The following BLVRA variants were observed in gnomAD, a reference collection of about 807,000 sequenced individuals.
BLVRA encodes the protein biliverdin reductase A.
BLVRA carries 22 observed loss-of-function variants against 32.8 expected under a neutral mutation model. The observed-to-expected ratio is 0.67, with a 90% CI of 0.48 to 0.96. The LOEUF is 0.96. BLVRA is among the 40% of genes least tolerant of loss of function. BLVRA has a pLI of 0.00. For missense variants in BLVRA, 323 were observed against 358.1 expected (o/e 0.90, Z 0.79); for synonymous variants, 119 against 141.3 (o/e 0.84, Z 1.12).
chr7:43,787,431 A>C lies in BLVRA; in HGVS notation c.13-473A>C, dbSNP rs532174516. Among the ~76,000 whole-genome samples the C allele has an allele frequency of 8.5e-5, 13 of 152,296 alleles. No individual in the cohort carries two copies. Among genetic ancestry groups the C allele is most frequent in the Admixed American group, 7.8e-4 (12 of 15,308 alleles). On this transcript the variant is annotated intron_variant, in intron 2 of 7. Transcript: ENST00000265523. The surrounding 1 kb of genome is among the most constrained non-coding windows in gnomAD (Gnocchi z 4.5). Reference sequence around the variant, plus strand: ...GGATCCCACGCTGAGTAAGGTGACCAATCATGGTTTGCCCATTTGCCTCCT... The same window carrying C: ...GGATCCCACGCTGAGTAAGGTGACCCATCATGGTTTGCCCATTTGCCTCCT...
chr7:43,795,403 C>G (rs1196105219), intron 5 of BLVRA, among the ~76,000 whole-genome samples: 1 of 151,954 alleles, frequency 6.6e-6, no homozygotes, highest in Non-Finnish European at 1.5e-5. Flanking sequence ...ATAGTCCCAG[C>G]TACTGGGGAG....
intron 1 of BLVRA, among the ~76,000 whole-genome samples, chr7:43,770,845 A>T (rs1226814824): frequency 6.6e-6 from 1 of 152,214 alleles, no homozygotes; most frequent in Non-Finnish European, 1.5e-5. Flanking sequence ...CCATGGAGGC[A>T]TCCCGATTGC....
chr7:43,792,527 T>C (rs555123758), intron 4 of BLVRA, among the ~76,000 whole-genome samples, 188 bp from the exon 5 acceptor site: 1 of 152,364 alleles, frequency 6.6e-6, no homozygotes, highest in Non-Finnish European at 1.5e-5. Flanking sequence ...TGTCACAGGA[T>C]AGTAGAAAAC....
At chr7:43,761,534 C>T (rs891892470) in intron 1 of BLVRA, among the ~76,000 whole-genome samples, 1 of 152,130 alleles carries the variant, frequency 6.6e-6, no homozygotes, top group Non-Finnish European at 1.5e-5. Context: ...TGGTTCTTGT[C>T]TTTTGAAAGT....
At chr7:43,796,633 A>G (rs2095793156) in intron 5 of BLVRA, among the ~76,000 whole-genome samples, 1 of 152,228 alleles carries the variant, frequency 6.6e-6, no homozygotes, top group Non-Finnish European at 1.5e-5. Flanking sequence ...GCATCAAGAT[A>G]TTGGATTTGG....
At chr7:43,766,930 G>A (rs113117871) in intron 1 of BLVRA, among the ~76,000 whole-genome samples, 3 of 152,246 alleles carry the variant, frequency 2.0e-5, no homozygotes, top group African/African-American at 7.2e-5. Context: ...CCAGGAGTTC[G>A]ACGTTGCAGT....
chr7:43,805,054 T>C (rs973807798), intron 7 of BLVRA, among the ~76,000 whole-genome samples: 1 of 152,154 alleles, frequency 6.6e-6, no homozygotes, highest in Non-Finnish European at 1.5e-5. Context: ...GGTGTGGCCA[T>C]GTGAGTGTTA....
intron 5 of BLVRA, among the ~76,000 whole-genome samples, chr7:43,799,752 G>A: frequency 6.6e-6 from 1 of 152,018 alleles, no homozygotes; most frequent in East Asian, 1.9e-4. Context: ...GGGATTATAG[G>A]CATGAGCCAC....
At chr7:43,799,229 C>T (rs1041983640) in intron 5 of BLVRA, among the ~76,000 whole-genome samples, 1 of 152,104 alleles carries the variant, frequency 6.6e-6, no homozygotes, top group African/African-American at 2.4e-5. Context: ...CAGGTCAAGC[C>T]CAGAGCATTT....
At position 43,807,067 on chromosome 7, in the gene BLVRA, G is replaced by A; in HGVS notation, c.723G>A (p.Val241=). 3 of 1,614,220 alleles carry A rather than the reference G, an allele frequency of 1.9e-6. No homozygotes were observed. The highest frequency in any genetic ancestry group is 2.5e-6 in the Non-Finnish European group (3 of 1,180,032). The change falls in exon 8 of 8, where the codon GTG becomes GTA. Residue 241 remains valine (V), a synonymous_variant. Transcript: ENST00000265523. The part of the protein sequence containing the change: ...FHFKSGSLEN[V]PNVGVNKNIF... ...TCAAGTCTGGGTCCTTGGAGAATGTGCCAAATGTAGGAGTGAATAAGAACA... is the reference window on the plus strand; with the variant it reads ...TCAAGTCTGGGTCCTTGGAGAATGTACCAAATGTAGGAGTGAATAAGAACA...
At chr7:43,794,119 G>T (rs375848520) in intron 5 of BLVRA, among the ~76,000 whole-genome samples, 1 of 151,362 alleles carries the variant, frequency 6.6e-6, no homozygotes, top group Non-Finnish European at 1.5e-5. Context: ...GGTGCATACC[G>T]GTAGTCCCAG....
At position 43,790,054 on chromosome 7, in the gene BLVRA, G is replaced by T. The variant is rs545598318; in HGVS notation, c.135-1195G>T. 7.0e-4 allele frequency among the ~76,000 whole-genome samples: 106 copies of T among 152,256 alleles called. 1 individual carries two copies. The highest frequency in any genetic ancestry group is 2.5e-3 in the African/African-American group (104 of 41,546). ...TGGGTGGCCCCATTAAAGAAACCTAGCATAATACTCTTTGGGAGCTAAATT... is the reference window on the plus strand; with the variant it reads ...TGGGTGGCCCCATTAAAGAAACCTATCATAATACTCTTTGGGAGCTAAATT... On this transcript the variant is annotated intron_variant, in intron 3 of 7. Transcript: ENST00000265523.
At chr7:43,769,326 G>A (rs943708663) in intron 1 of BLVRA, among the ~76,000 whole-genome samples, 11 of 151,986 alleles carry the variant, frequency 7.2e-5, no homozygotes, top group African/African-American at 2.2e-4. Context: ...TACCGTGCCC[G>A]GCCTTTCTGA....
intron 7 of BLVRA, among the ~76,000 whole-genome samples, chr7:43,805,314 G>C (rs1468387985): frequency 6.7e-6 from 1 of 148,906 alleles, no homozygotes; most frequent in East Asian, 2.0e-4. Flanking sequence ...ACAAAGTCTT[G>C]CTCTGTCACC....
intron 1 of BLVRA, among the ~76,000 whole-genome samples, chr7:43,769,316 T>A (rs1585712960): frequency 1.3e-5 from 2 of 152,046 alleles, no homozygotes; most frequent in Admixed American, 1.3e-4. Context: ...AGGTGTGAGC[T>A]ACCGTGCCCG....
At chr7:43,790,476 T>C (rs1585733224) in intron 3 of BLVRA, among the ~76,000 whole-genome samples, 1 of 151,352 alleles carries the variant, frequency 6.6e-6, no homozygotes, top group Non-Finnish European at 1.5e-5. Flanking sequence ...CACACAAACA[T>C]GTGTGCGTAC....
At chr7:43,765,458 G>A (rs2095746763) in intron 1 of BLVRA, among the ~76,000 whole-genome samples, 1 of 152,052 alleles carries the variant, frequency 6.6e-6, no homozygotes, top group Admixed American at 6.6e-5. Flanking sequence ...CACCATGTTG[G>A]CCAGGCTCGT....
At chr7:43,759,508 C>T (rs941492316) in intron 1 of BLVRA, among the ~76,000 whole-genome samples, 12 of 152,170 alleles carry the variant, frequency 7.9e-5, no homozygotes, top group African/African-American at 2.7e-4. Flanking sequence ...GTTAACCAAC[C>T]TCTTGTTGCC....
At chr7:43,761,560 A>C (rs2095742289) in intron 1 of BLVRA, among the ~76,000 whole-genome samples, 1 of 151,818 alleles carries the variant, frequency 6.6e-6, no homozygotes, top group Non-Finnish European at 1.5e-5. Context: ...ATACATGGCA[A>C]CTTCATTCAT....
Sources: allele counts gnomAD v4.1 joint callset (sites outside exome capture counted in the v4.1 genomes callset), GRCh38; gene constraint gnomAD v4.1.1; non-coding constraint Gnocchi (gnomAD v3.1); transcripts MANE v1.5; gene names NCBI Gene and HGNC (gene_info 2026-07-23, HGNC 2026-07-21).